The following UBE2E1 variants were observed in gnomAD, a reference collection of about 807,000 sequenced individuals.
The protein encoded by UBE2E1 is ubiquitin-conjugating enzyme E2 E1.
UBE2E1 carries 6 observed loss-of-function variants against 21.4 expected under a neutral mutation model. The observed-to-expected ratio is 0.28, with a 90% CI of 0.15 to 0.55. UBE2E1 has a LOEUF of 0.55. UBE2E1 is among the 20% of genes least tolerant of loss of function. The pLI is 0.93. For missense variants in UBE2E1, 142 were observed against 236.5 expected, an observed-to-expected ratio of 0.60 and a Z score of 2.62; for synonymous variants, 87 against 82.7, an observed-to-expected ratio of 1.05 and a Z score of -0.28.
intron 3 of UBE2E1, chr3:23,879,541 C>T: frequency 3.1e-6 from 1 of 325,920 alleles, no homozygotes. Flanking sequence ...ATGCTTTCTT[C>T]TTGCTTTAGA....
chr3:23,831,888 G>GT (rs970598423), intron 3 of UBE2E1, among the ~76,000 whole-genome samples: 76 of 152,164 alleles, frequency 5.0e-4, no homozygotes, highest in African/African-American at 1.5e-3. Flanking sequence ...TAGAGGCAGG[G>GT]TTTCACCATG....
intron 3 of UBE2E1, among the ~76,000 whole-genome samples, chr3:23,862,707 T>C (rs1354024546): frequency 6.6e-6 from 1 of 152,160 alleles, no homozygotes; most frequent in East Asian, 1.9e-4. Context: ...TACTATCTTT[T>C]TCCTTTCCGT....
rs35613446 is a variant in UBE2E1, at chr3:23,842,195, A to AGGGGGGGG, written c.203+30689_203+30690insGGGGGGGG. Among the ~76,000 whole-genome samples the AGGGGGGGG allele has an allele frequency of 2.5e-5, 1 of 39,376 alleles. No homozygotes were observed. Among genetic ancestry groups the AGGGGGGGG allele is most frequent in the African/African-American group, 7.4e-5 (1 of 13,522 alleles). The allele number at this position is 39,376 out of a possible 152,430, so 25.8% of individuals were successfully genotyped here. On this transcript the variant is annotated intron_variant, in intron 3 of 5. Transcript: ENST00000306627. This position sits in a 1 kb window ranked among gnomAD's most constrained non-coding sequence, Gnocchi z 4.6. ...AACTATGTCATGACCCAGTAAGTGAAGGGGTGTGTGTGTGTGTGTGTGTGT... is the reference window on the plus strand; with the variant it reads ...AACTATGTCATGACCCAGTAAGTGAAGGGGGGGGGGGGTGTGTGTGTGTGTGTGTGTGT...
In UBE2E1 at chr3:23,836,321, T is replaced by C. The variant is rs1207173027; in HGVS notation, c.203+24811T>C. On this transcript the variant is annotated intron_variant, in intron 3 of 5. Coordinates refer to ENST00000306627, the MANE Select transcript of UBE2E1 (RefSeq NM_003341.5). The surrounding 1 kb of genome is among the most constrained non-coding windows in gnomAD (Gnocchi z 4.1). ...GCTATATAAAAAAAGAGTTTCTCTT[T>C]TCACTTAGTCCTCACAAGTTTTCAC... Among the ~76,000 whole-genome samples the C allele has an allele frequency of 6.6e-6, 1 of 152,236 alleles. No individual in the cohort carries two copies.
At chr3:23,877,699 A>C (rs1052362423) in intron 3 of UBE2E1, among the ~76,000 whole-genome samples, 10 of 152,172 alleles carry the variant, frequency 6.6e-5, no homozygotes, top group Non-Finnish European at 1.3e-4. Context: ...ACTTTATGTA[A>C]GTGACATAGA....
intron 3 of UBE2E1, among the ~76,000 whole-genome samples, chr3:23,815,754 T>TATAA (rs1275157059): frequency 6.6e-6 from 1 of 152,264 alleles, no homozygotes; most frequent in Non-Finnish European, 1.5e-5. Context: ...AGTCATCCTT[T>TATAA]ATAAAACCCT....
intron 3 of UBE2E1, among the ~76,000 whole-genome samples, chr3:23,882,536 C>T (rs1446157661): frequency 2.0e-5 from 3 of 152,146 alleles, no homozygotes; most frequent in African/African-American, 7.2e-5. Flanking sequence ...CGCCCACACT[C>T]CTCAACCCTT....
Position 23,869,265 on chromosome 3 carries a change from A to G in UBE2E1, c.204-18302A>G, listed in dbSNP as rs143493989. On this transcript the variant is annotated intron_variant, in intron 3 of 5. Coordinates refer to ENST00000306627, the MANE Select transcript of UBE2E1 (RefSeq NM_003341.5). ...GAACTGCCTGTGTACTTTATCCATT[A>G]TTATTATTTAAATTAGTCAAGATAT... is the stretch of plus-strand genomic sequence containing the variant. Among the ~76,000 whole-genome samples the G allele has an allele frequency of 2.2e-3, 325 of 150,240 alleles. 1 individual carries two copies. Among genetic ancestry groups the G allele is most frequent in the African/African-American group, 7.4e-3 (301 of 40,696 alleles).
chr3:23,813,509 T>C, intron 3 of UBE2E1, among the ~76,000 whole-genome samples: 1 of 152,158 alleles, frequency 6.6e-6, no homozygotes, highest in East Asian at 1.9e-4. Context: ...TAATGTACTT[T>C]ATTGGAGATA....
chr3:23,887,472 AGAGAG>A lies in UBE2E1; in HGVS notation c.204-89_204-85del, dbSNP rs764335540. ...AAAGAGAATCCACACAGTAAACAAA[AGAGAG>A]GAGAGAGGTAATCTTTCCATCTCTT... On this transcript the variant is annotated intron_variant, in intron 3 of 5. Transcript: ENST00000306627. The surrounding 1 kb of genome is among the most constrained non-coding windows in gnomAD (Gnocchi z 4.4). 923 of 1,457,588 alleles carry A rather than the reference AGAGAG, an allele frequency of 6.3e-4. 11 individuals carry two copies. Among genetic ancestry groups the A allele is most frequent in the Middle Eastern group, 3.7e-4 (2 of 5,456 alleles). The allele number at this position is 1,457,588 out of a possible 1,614,324, so 90.3% of individuals were successfully genotyped here. A position where few individuals can be genotyped will look rare whatever the true frequency, so the allele number is the denominator to read the frequency against.
chr3:23,861,790 G>A (rs1195548229), intron 3 of UBE2E1, among the ~76,000 whole-genome samples: 5 of 152,178 alleles, frequency 3.3e-5, no homozygotes, highest in Non-Finnish European at 7.3e-5. Context: ...CAGACTCCAG[G>A]GGAAAACCAT....
intron 3 of UBE2E1, among the ~76,000 whole-genome samples, chr3:23,818,754 G>A (rs923424612): frequency 2.0e-5 from 3 of 152,172 alleles, no homozygotes; most frequent in African/African-American, 7.2e-5. Context: ...TGATGTTAAA[G>A]TGCACAAGAT....
chr3:23,889,500 G>T (rs1701294089), intron 5 of UBE2E1: 17 of 1,372,682 alleles, frequency 1.2e-5, no homozygotes, highest in South Asian at 3.6e-5. Context: ...AGTTTGCCTT[G>T]GGCTTTTAGT....
At chr3:23,860,717 A>G (rs1196894857) in intron 3 of UBE2E1, among the ~76,000 whole-genome samples, 1 of 152,210 alleles carries the variant, frequency 6.6e-6, no homozygotes. Context: ...TAAGCCATAA[A>G]CATCAAAATG....
intron 3 of UBE2E1, among the ~76,000 whole-genome samples, chr3:23,884,776 T>C (rs73825176): frequency 2.6e-5 from 4 of 152,142 alleles, no homozygotes; most frequent in Admixed American, 2.0e-4. Context: ...TACTGGATTT[T>C]AGAGAGCCTG....
chr3:23,833,507 C>A (rs1011405461), intron 3 of UBE2E1, among the ~76,000 whole-genome samples: 1 of 152,140 alleles, frequency 6.6e-6, no homozygotes, highest in African/African-American at 2.4e-5. Context: ...TGATTCAGAA[C>A]GCCACATGAG....
rs1425893617 is a variant in UBE2E1 at position 23,808,058 on chromosome 3, A to G, written c.152+637A>G. The stretch of plus-strand genomic sequence containing the variant: ...TCTCTTTAAAAACTTCAGTTTACCA[A>G]TTTCAGGGAGACTTGTCTTTTTTTC... On this transcript the variant is annotated intron_variant, in intron 2 of 5. Transcript: ENST00000306627. The surrounding 1 kb of genome is among the most constrained non-coding windows in gnomAD (Gnocchi z 4.9). 6.6e-6 allele frequency among the ~76,000 whole-genome samples: 1 copy of G among 152,184 alleles called. No individual in the cohort carries two copies. The highest frequency in any genetic ancestry group is 2.4e-5 in the African/African-American group (1 of 41,446).
intron 3 of UBE2E1, among the ~76,000 whole-genome samples, chr3:23,877,185 A>G (rs1402726897): frequency 6.6e-6 from 1 of 152,168 alleles, no homozygotes. Context: ...ATGGATGCCG[A>G]TGTTGCTTGT....
At chr3:23,865,727 T>G (rs1000060469) in intron 3 of UBE2E1, among the ~76,000 whole-genome samples, 1 of 152,310 alleles carries the variant, frequency 6.6e-6, no homozygotes, top group South Asian at 2.1e-4. Context: ...AATGACTGTT[T>G]GAATCATTTT....
Sources: gnomAD v4.1 joint callset for allele counts (sites outside exome capture counted in the v4.1 genomes callset) on GRCh38, gnomAD v4.1.1 for gene constraint, Gnocchi (gnomAD v3.1) non-coding constraint, MANE v1.5 for transcripts, NCBI Gene and HGNC (gene_info 2026-07-23, HGNC 2026-07-21) for gene names.